The following RUFY3 variants were observed in gnomAD, a reference collection of about 807,000 sequenced individuals.
The protein encoded by RUFY3 is RUN and FYVE domain containing 3, also known as protein RUFY3.
RUFY3 carries 34 observed loss-of-function variants against 84.0 expected under a neutral mutation model. The observed-to-expected ratio is 0.40, with a 90% CI of 0.31 to 0.54. RUFY3 has a LOEUF of 0.54. Among genes scored for constraint, RUFY3 ranks in the 20% least tolerant of loss-of-function variants. The pLI is 0.39. For missense variants in RUFY3, 507 were observed against 736.8 expected (o/e 0.69, Z 3.61); for synonymous variants, 242 against 252.9 (o/e 0.96, Z 0.41).
intron 6 of RUFY3, 72 bp from the exon 7 acceptor site, chr4:70,775,096 G>A: frequency 1.9e-6 from 2 of 1,044,112 alleles, no homozygotes; most frequent in Non-Finnish European, 2.8e-6. Flanking sequence ...AAAAGATGGG[G>A]TGGGGTGGGG....
intron 1 of RUFY3, among the ~76,000 whole-genome samples, chr4:70,728,034 C>G (rs115374777): frequency 1.4e-4 from 21 of 152,232 alleles, no homozygotes; most frequent in African/African-American, 4.3e-4. Flanking sequence ...GAAATCCTGA[C>G]TCATTTGTTG....
intron 1 of RUFY3, among the ~76,000 whole-genome samples, chr4:70,747,245 G>A (rs1194102704): frequency 6.6e-6 from 1 of 152,088 alleles, no homozygotes; most frequent in Non-Finnish European, 1.5e-5. Flanking sequence ...CACCAAAATT[G>A]TTTAAACTTA....
chr4:70,730,309 T>C (rs1251739315), intron 1 of RUFY3, among the ~76,000 whole-genome samples: 2 of 152,120 alleles, frequency 1.3e-5, no homozygotes, highest in African/African-American at 4.8e-5. Context: ...TTGAATGCAA[T>C]AAAATATACA....
chr4:70,730,748 A>AC (rs1719118368), intron 1 of RUFY3, among the ~76,000 whole-genome samples: 1 of 147,992 alleles, frequency 6.8e-6, no homozygotes, highest in African/African-American at 2.6e-5. Flanking sequence ...CATCTCAAAA[A>AC]TTAAAAAAAG....
At chr4:70,740,265 C>T (rs1354488300) in intron 1 of RUFY3, among the ~76,000 whole-genome samples, 1 of 152,104 alleles carries the variant, frequency 6.6e-6, no homozygotes, top group Non-Finnish European at 1.5e-5. Flanking sequence ...GAGAAAAGTT[C>T]TCTTAAATTA....
At chr4:70,806,182 G>A (rs139338019) in intron 17 of RUFY3, among the ~76,000 whole-genome samples, 18 of 152,344 alleles carry the variant, frequency 1.2e-4, no homozygotes, top group Non-Finnish European at 2.6e-4. Flanking sequence ...TTTGGAGTAT[G>A]CGCAGGTACT....
chr4:70,779,510 A>G (rs981003238), intron 8 of RUFY3, among the ~76,000 whole-genome samples: 1 of 152,084 alleles, frequency 6.6e-6, no homozygotes. Context: ...TTTAAATAGC[A>G]TTAGATGGTT....
At chr4:70,733,753 A>T (rs944595877) in intron 1 of RUFY3, among the ~76,000 whole-genome samples, 2 of 152,220 alleles carry the variant, frequency 1.3e-5, no homozygotes, top group African/African-American at 4.8e-5. Flanking sequence ...GTATAGGTAT[A>T]CATAAACACA....
intron 15 of RUFY3, 66 bp downstream of exon 15, chr4:70,800,271 C>T: frequency 3.3e-6 from 4 of 1,221,810 alleles, no homozygotes; most frequent in Non-Finnish European, 4.6e-6. Flanking sequence ...GGAGGGAGTT[C>T]TTTATATACA....
Position 70,722,745 on chromosome 4 carries a change from C to A in RUFY3, c.172C>A (p.His58Asn). 6.2e-7 allele frequency: 1 copy of A among 1,613,826 alleles called. No individual in the cohort carries two copies. The highest frequency in any genetic ancestry group is 1.1e-5 in the South Asian group (1 of 91,030). Residue 58 changes from histidine to asparagine, a missense_variant, in exon 1 of 18, where the codon CAT becomes AAT. By Grantham distance (68) the His-to-Asn change is moderately conservative. Around this residue, in one of 4 missense-constraint regions of RUFY3, gnomAD observed 133 missense variants for 301.1 expected, o/e 0.44. Transcript: ENST00000381006. ...ISLTPDPEPTHEDPNYLMANE... is the reference protein window; with the variant it reads ...ISLTPDPEPTNEDPNYLMANE... Reference sequence around the variant, plus strand: ...ACTTACACCTGACCCAGAGCCTACCCATGAAGGTATGGTCAGATCCTGTCC... The same window carrying A: ...ACTTACACCTGACCCAGAGCCTACCAATGAAGGTATGGTCAGATCCTGTCC...
At position 70,731,457 on chromosome 4, in the gene RUFY3, A is replaced by G. The variant is rs571764542; in HGVS notation, c.178+8706A>G. Among the ~76,000 whole-genome samples the G allele has an allele frequency of 5.3e-5, 8 of 152,364 alleles. No homozygotes were observed. The South Asian group carries it at 1.7e-3, about 32-fold the overall frequency. ...TTTACATAATCGTGCATATACTACC[A>G]AACAGCAAAAATAGTACACTGCTGA... On this transcript the variant is annotated intron_variant, in intron 1 of 17. Coordinates refer to ENST00000381006, the MANE Select transcript of RUFY3 (RefSeq NM_001037442.4).
At position 70,806,531 on chromosome 4, in the gene RUFY3, T is replaced by C. The variant is rs141170278; in HGVS notation, c.1735T>C (p.Cys579Arg). The C allele has an allele frequency of 1.1e-5, 18 of 1,614,166 alleles. No individual in the cohort carries two copies. The highest frequency in any genetic ancestry group is 1.5e-5 in the Non-Finnish European group (18 of 1,180,002). ...GSLTKNVCKN[C>R]SGTFCDACST... ...CTTCTCATAGAATGTGTGTAAGAAC[T>C]GCAGCGGAACCTTCTGTGATGCCTG... Residue 579 changes from cysteine (C) to arginine (R), a missense_variant, in exon 18 of 18, where the codon TGC (cysteine) becomes CGC (arginine). Physicochemically the swap from Cys to Arg is radical, Grantham distance 180. Around this residue, in one of 4 missense-constraint regions of RUFY3, gnomAD observed 334 missense variants for 364.1 expected, o/e 0.92. Coordinates refer to ENST00000381006, the MANE Select transcript of RUFY3 (RefSeq NM_001037442.4).
At chr4:70,799,136 C>T (rs1323223691) in intron 14 of RUFY3, among the ~76,000 whole-genome samples, 5 of 146,620 alleles carry the variant, frequency 3.4e-5, no homozygotes, top group African/African-American at 1.3e-4. Flanking sequence ...CAGAGCAAGA[C>T]TCCGTCTCAA....
At chr4:70,758,806 G>A (rs1578110581) in intron 1 of RUFY3, among the ~76,000 whole-genome samples, 2 of 151,980 alleles carry the variant, frequency 1.3e-5, no homozygotes, top group African/African-American at 4.8e-5. Context: ...GTGGGAGGCC[G>A]AGGCAGGTAG....
At position 70,804,341 on chromosome 4, in the gene RUFY3, G is replaced by A. The variant is rs2148823684; in HGVS notation, c.1651-7G>A. 1 of 1,613,762 alleles carries A rather than the reference G, an allele frequency of 6.2e-7. No homozygotes were observed. Among genetic ancestry groups the A allele is most frequent in the Admixed American group, 1.7e-5 (1 of 59,998 alleles). ...AGAAAAACTAACCAGCTCCCTGTGT[G>A]GTTTAGGATCAGCTGCTGCTCTCTG... On this transcript the variant is annotated splice_polypyrimidine_tract_variant and splice_region_variant and intron_variant, in intron 16 of 17. Coordinates refer to ENST00000381006, the MANE Select transcript of RUFY3 (RefSeq NM_001037442.4).
At chr4:70,778,569 TATTC>T in intron 8 of RUFY3, 131 bp downstream of exon 8, 1 of 417,692 alleles carries the variant, frequency 2.4e-6, no homozygotes. Flanking sequence ...CATAACTTCT[TATTC>T]TTTTTTTTTT....
intron 1 of RUFY3, among the ~76,000 whole-genome samples, chr4:70,712,366 G>A (rs1371719855): frequency 6.6e-6 from 1 of 152,150 alleles, no homozygotes; most frequent in Non-Finnish European, 1.5e-5. Flanking sequence ...CAAAGCGCAT[G>A]TTCTTAATCA....
upstream of RUFY3, among the ~76,000 whole-genome samples, chr4:70,719,095 C>T (rs1482202408): frequency 6.6e-6 from 1 of 152,172 alleles, no homozygotes; most frequent in Non-Finnish European, 1.5e-5. Flanking sequence ...GATAACTGTT[C>T]GTGCTGAAGA....
chr4:70,757,281 A>G (rs1381888877), intron 1 of RUFY3, among the ~76,000 whole-genome samples: 1 of 152,106 alleles, frequency 6.6e-6, no homozygotes, highest in Non-Finnish European at 1.5e-5. Context: ...TGCCTCAAAA[A>G]TCAAAACAAA....
Sources: gnomAD v4.1 joint callset for allele counts (sites outside exome capture counted in the v4.1 genomes callset) on GRCh38, gnomAD v4.1.1 for gene constraint, gnomAD v4.1.1 regional missense constraint, MANE v1.5 for transcripts, NCBI Gene and HGNC (gene_info 2026-07-23, HGNC 2026-07-21) for gene names.